LRRD1: variants seen among roughly 807,000 people sequenced by gnomAD.
LRRD1 encodes leucine-rich repeat and death domain-containing protein 1.
LRRD1 carries 49 observed loss-of-function variants against 69.5 expected under a neutral mutation model. That is an observed-to-expected ratio of 0.70 (90% CI 0.56 to 0.89). The LOEUF (loss-of-function observed/expected upper bound fraction) is 0.89. Ranked by LOEUF, LRRD1 falls within the 40% of genes least tolerant of loss-of-function variation. The pLI, the probability that LRRD1 is intolerant of heterozygous loss-of-function variation, is 0.00. For synonymous variants in LRRD1, 303 were observed against 338.9 expected (o/e 0.89, Z 1.16); for missense variants, 853 against 956.0 (o/e 0.89, Z 1.42).
chr7:92,159,258 C>A, intron 2 of LRRD1, 55 bp from the exon 3 acceptor site: 1 of 1,105,002 alleles, frequency 9.0e-7, no homozygotes. Flanking sequence ...ATTTGCATGA[C>A]TAAAACTTCT....
At chr7:92,153,850 A>G (rs1401435957) in intron 3 of LRRD1, among the ~76,000 whole-genome samples, 3 of 152,026 alleles carry the variant, frequency 2.0e-5, no homozygotes, top group African/African-American at 7.2e-5. Flanking sequence ...AAAAAATTTT[A>G]AAAAGCCTTT....
At chr7:92,159,991 T>A (rs895208180) in intron 2 of LRRD1, among the ~76,000 whole-genome samples, 2 of 152,248 alleles carry the variant, frequency 1.3e-5, no homozygotes, top group Non-Finnish European at 1.5e-5. Context: ...ACATGTTTTA[T>A]ACTTTTTGTA....
intron 1 of LRRD1, among the ~76,000 whole-genome samples, chr7:92,168,394 T>G (rs1195632913): frequency 6.6e-6 from 1 of 152,072 alleles, no homozygotes; most frequent in African/African-American, 2.4e-5. Flanking sequence ...GAGGCAAAAC[T>G]ACCATTCCCA....
downstream of LRRD1, chr7:92,143,017 T>C: frequency 4.2e-6 from 1 of 238,098 alleles, no homozygotes; most frequent in Non-Finnish European, 8.5e-6. Flanking sequence ...TCCTGCTGAT[T>C]GGTCCATTTT....
In LRRD1 at chr7:92,164,292, T is replaced by C; in HGVS notation, c.911A>G (p.Lys304Arg). ...TCCAGTAAGGTCTAGTGAAATTAAC[T>C]TTGGAAGGAAGCAGAGAGCTTTAGG... ...TFPKALCFLP[K>R]LISLDLTGNL... Residue 304 changes from lysine (K) to arginine (R), a missense_variant, in exon 2 of 6, where the codon AAG (lysine) becomes AGG (arginine). By Grantham distance (26) the Lys-to-Arg change is conservative. Transcript: ENST00000458448. 6.4e-7 allele frequency: 1 copy of C among 1,550,972 alleles called. No individual in the cohort carries two copies. Among genetic ancestry groups the C allele is most frequent in the Non-Finnish European group, 8.7e-7 (1 of 1,146,688 alleles).
intron 3 of LRRD1, among the ~76,000 whole-genome samples, chr7:92,153,971 G>C (rs1788590906): frequency 6.6e-6 from 1 of 150,950 alleles, no homozygotes; most frequent in African/African-American, 2.4e-5. Context: ...CAAGTAGCTG[G>C]GATTACAGGC....
At chr7:92,174,922 G>A (rs1240627952) in intron 1 of LRRD1, among the ~76,000 whole-genome samples, 1 of 151,806 alleles carries the variant, frequency 6.6e-6, no homozygotes, top group Non-Finnish European at 1.5e-5. Context: ...AAAAAAATTA[G>A]CTGGGAGTGG....
At chr7:92,172,032 G>A (rs1433307844) in intron 1 of LRRD1, among the ~76,000 whole-genome samples, 2 of 152,176 alleles carry the variant, frequency 1.3e-5, no homozygotes, top group African/African-American at 4.8e-5. Context: ...GGTGAGATGG[G>A]AGAATCACCT....
downstream of LRRD1, among the ~76,000 whole-genome samples, chr7:92,143,749 G>A (rs1820238175): frequency 6.6e-6 from 1 of 152,210 alleles, no homozygotes; most frequent in Non-Finnish European, 1.5e-5. Context: ...TTCCGGCCTT[G>A]GCCAGCCCAG....
At chr7:92,159,329 T>A (rs1285482751) in intron 2 of LRRD1, 126 bp from the exon 3 acceptor site, 2 of 653,782 alleles carry the variant, frequency 3.1e-6, no homozygotes, top group Non-Finnish European at 2.4e-6. Flanking sequence ...GGAGATTTTT[T>A]ATTATGTCAC....
intron 4 of LRRD1, among the ~76,000 whole-genome samples, chr7:92,147,460 T>A (rs948935051): frequency 6.9e-6 from 1 of 143,954 alleles, no homozygotes; most frequent in African/African-American, 2.6e-5. Flanking sequence ...CTGGCTTTTT[T>A]ATGTGCGTGG....
chr7:92,171,398 A>C (rs1364355120), intron 1 of LRRD1, among the ~76,000 whole-genome samples: 1 of 152,126 alleles, frequency 6.6e-6, no homozygotes, highest in Non-Finnish European at 1.5e-5. Flanking sequence ...TAAGAACAAC[A>C]ATACATCAAC....
At chr7:92,146,990 A>G (rs1820343415) in intron 4 of LRRD1, among the ~76,000 whole-genome samples, 1 of 152,108 alleles carries the variant, frequency 6.6e-6, no homozygotes, top group Non-Finnish European at 1.5e-5. Context: ...GAAACATTTG[A>G]CATTTGTTCC....
chr7:92,170,134 A>G (rs1211169487), intron 1 of LRRD1, among the ~76,000 whole-genome samples: 3 of 150,796 alleles, frequency 2.0e-5, no homozygotes, highest in Non-Finnish European at 4.4e-5. Flanking sequence ...GGAAGGGAGG[A>G]AGGAAGGACG....
chr7:92,161,432 G>A (rs1363617124), intron 2 of LRRD1, among the ~76,000 whole-genome samples: 2 of 152,222 alleles, frequency 1.3e-5, no homozygotes, highest in East Asian at 1.9e-4. Context: ...CAACAGATAC[G>A]CAATTTGGAT....
intron 4 of LRRD1, among the ~76,000 whole-genome samples, chr7:92,147,490 G>A (rs1234443864): frequency 6.6e-6 from 1 of 151,768 alleles, no homozygotes; most frequent in African/African-American, 2.4e-5. Context: ...GTTTTGTTTT[G>A]TTTTGTTTTG....
At chr7:92,169,380 C>T (rs893720478) in intron 1 of LRRD1, among the ~76,000 whole-genome samples, 3 of 149,038 alleles carry the variant, frequency 2.0e-5, no homozygotes, top group Admixed American at 6.7e-5. Flanking sequence ...AGGCTGGGCA[C>T]GGTGGTTCAT....
At chr7:92,145,879 A>G (rs1820312707) in intron 5 of LRRD1, among the ~76,000 whole-genome samples, 1 of 152,224 alleles carries the variant, frequency 6.6e-6, no homozygotes, top group African/African-American at 2.4e-5. Context: ...TGTGAGTAAA[A>G]GTCAGTCTGT....
At chr7:92,165,917 T>C (rs571232574) in intron 1 of LRRD1, among the ~76,000 whole-genome samples, 1 of 150,002 alleles carries the variant, frequency 6.7e-6, no homozygotes, top group South Asian at 2.1e-4. Flanking sequence ...TGGCCTACCA[T>C]GACAGGTAAA....
Sources: gnomAD v4.1 joint callset for allele counts (sites outside exome capture counted in the v4.1 genomes callset) on GRCh38, gnomAD v4.1.1 for gene constraint, MANE v1.5 for transcripts, NCBI Gene and HGNC (gene_info 2026-07-23, HGNC 2026-07-21) for gene names.